PARD3B: variants seen among roughly 807,000 people sequenced by gnomAD.
PARD3B encodes par-3 family cell polarity regulator beta.
PARD3B carries 103 observed loss-of-function variants against 130.2 expected under a neutral mutation model. The observed-to-expected ratio is 0.79, with a 90% CI of 0.67 to 0.93. The LOEUF (loss-of-function observed/expected upper bound fraction) is 0.93. PARD3B is among the 40% of genes least tolerant of loss of function. PARD3B has a pLI of 0.00. For missense variants in PARD3B, 1,609 were observed against 1,499.2 expected (o/e 1.07, Z -1.21); for synonymous variants, 583 against 553.2 (o/e 1.05, Z -0.76).
At position 205,458,834 on chromosome 2, in the gene PARD3B, GAGA is replaced by G. The variant is rs2048356563; in HGVS notation, c.3044+18166_3044+18168del. On this transcript the variant is annotated intron_variant, in intron 20 of 22. Transcript: ENST00000406610. The surrounding 1 kb of genome is among the most constrained non-coding windows in gnomAD (Gnocchi z 4.8). ...CTCAGGCTGATGATACCTTTCTTCA[GAGA>G]AGATGTATTTAATAATATGTCCCAT... Among the ~76,000 whole-genome samples the G allele has an allele frequency of 1.3e-5, 2 of 152,134 alleles. No homozygotes were observed. The highest frequency in any genetic ancestry group is 2.9e-5 in the Non-Finnish European group (2 of 68,022).
At chr2:205,474,429 A>G (rs756484012) in intron 20 of PARD3B, among the ~76,000 whole-genome samples, 1 of 152,306 alleles carries the variant, frequency 6.6e-6, no homozygotes, top group South Asian at 2.1e-4. Flanking sequence ...ATTTACATGC[A>G]TATACACATT....
intron 1 of PARD3B, among the ~76,000 whole-genome samples, chr2:204,603,552 CT>C (rs948979928): frequency 9.4e-5 from 14 of 149,166 alleles, no homozygotes; most frequent in East Asian, 2.0e-4. Context: ...TTTAATACTA[CT>C]TTTTTTTTTA....
At chr2:205,613,862 C>T (rs1274472926) in intron 22 of PARD3B, among the ~76,000 whole-genome samples, 1 of 152,160 alleles carries the variant, frequency 6.6e-6, no homozygotes. Context: ...TTAACATCCA[C>T]CTCCACAGAT....
At chr2:204,549,289 T>A (rs1054152954) in intron 1 of PARD3B, among the ~76,000 whole-genome samples, 2 of 152,198 alleles carry the variant, frequency 1.3e-5, no homozygotes, top group Non-Finnish European at 2.9e-5. Context: ...TATCTCCGAA[T>A]CCTGACACTT....
intron 13 of PARD3B, among the ~76,000 whole-genome samples, chr2:205,177,969 T>A (rs947841560): frequency 9.2e-5 from 14 of 151,818 alleles, no homozygotes; most frequent in African/African-American, 2.9e-4. Context: ...ATTGGTCTAT[T>A]GAAACTATTG....
chr2:204,762,768 T>C (rs2040964047), intron 2 of PARD3B, among the ~76,000 whole-genome samples: 1 of 150,212 alleles, frequency 6.7e-6, no homozygotes, highest in African/African-American at 2.4e-5. Context: ...TTTCTTTTTT[T>C]TTTTTTTTTG....
At position 205,492,611 on chromosome 2, in the gene PARD3B, C is replaced by T. The variant is rs150578668; in HGVS notation, c.3045-7285C>T. Among the ~76,000 whole-genome samples, 528 of 151,992 alleles carry T rather than the reference C, an allele frequency of 3.5e-3. 4 individuals carry two copies. Among genetic ancestry groups the T allele is most frequent in the South Asian group, 0.027 (132 of 4,808 alleles). ...TCAGCTATCAGTCCTAAAATTTCAC[C>T]GGGCTAAACAGTGAAAAATCTTATT... On this transcript the variant is annotated intron_variant, in intron 20 of 22. Coordinates refer to ENST00000406610, the MANE Select transcript of PARD3B (RefSeq NM_001302769.2).
At chr2:205,130,240 AT>A (rs2031874218) in intron 10 of PARD3B, among the ~76,000 whole-genome samples, 1 of 152,166 alleles carries the variant, frequency 6.6e-6, no homozygotes, top group African/African-American at 2.4e-5. Context: ...TTGGTAATAG[AT>A]TTAGAATCTG....
chr2:204,840,929 G>A (rs979292817), intron 2 of PARD3B, among the ~76,000 whole-genome samples: 15 of 152,130 alleles, frequency 9.9e-5, no homozygotes, highest in Non-Finnish European at 1.5e-5. Flanking sequence ...TGTATATAGG[G>A]TTTGGTGCTA....
intron 1 of PARD3B, among the ~76,000 whole-genome samples, chr2:204,551,027 T>G (rs1183276360): frequency 1.3e-5 from 2 of 152,186 alleles, no homozygotes; most frequent in African/African-American, 2.4e-5. Flanking sequence ...AGACCTCACT[T>G]CTTTACAGCA....
chr2:204,700,631 C>T (rs143503598), intron 2 of PARD3B, among the ~76,000 whole-genome samples: 2 of 152,030 alleles, frequency 1.3e-5, no homozygotes, highest in African/African-American at 2.4e-5. Context: ...AACCTGAAAT[C>T]TGCTTTGTAC....
chr2:205,531,261 A>G (rs921474984), intron 21 of PARD3B, among the ~76,000 whole-genome samples: 5 of 152,146 alleles, frequency 3.3e-5, no homozygotes, highest in Admixed American at 6.5e-5. Context: ...TAGAGGAACA[A>G]AAACACATCA....
At chr2:204,681,944 A>G (rs563222415) in intron 1 of PARD3B, among the ~76,000 whole-genome samples, 1 of 152,218 alleles carries the variant, frequency 6.6e-6, no homozygotes, top group South Asian at 2.1e-4. Flanking sequence ...TGTTTCCAAA[A>G]CCCTTAAGTC....
rs2035922350 is a variant in PARD3B, at chr2:205,183,688, C to A, written c.1925-2076C>A. On this transcript the variant is annotated intron_variant, in intron 13 of 22. Coordinates refer to ENST00000406610, the MANE Select transcript of PARD3B (RefSeq NM_001302769.2). The surrounding 1 kb of genome is among the most constrained non-coding windows in gnomAD (Gnocchi z 5.2). Reference sequence around the variant, plus strand: ...GGGCAGAGCTTGGAGCAAGTCCTTGCCTTGTGTATTTCTCAGGGTTCTGCA... The same window carrying A: ...GGGCAGAGCTTGGAGCAAGTCCTTGACTTGTGTATTTCTCAGGGTTCTGCA... Among the ~76,000 whole-genome samples, 1 of 150,050 alleles carries A rather than the reference C, an allele frequency of 6.7e-6. No homozygotes were observed. Among genetic ancestry groups the A allele is most frequent in the South Asian group, 2.1e-4 (1 of 4,770 alleles).
At chr2:205,224,663 G>C (rs2038446732) in intron 15 of PARD3B, among the ~76,000 whole-genome samples, 1 of 150,758 alleles carries the variant, frequency 6.6e-6, no homozygotes, top group South Asian at 2.1e-4. Flanking sequence ...AAAAAAGTGA[G>C]AACATTCAAA....
rs1199381132 is a variant in PARD3B at position 205,229,944 on chromosome 2, G to A, written c.2141-15834G>A. Among the ~76,000 whole-genome samples the A allele has an allele frequency of 1.3e-5, 2 of 151,892 alleles. No homozygotes were observed. The highest frequency in any genetic ancestry group is 2.9e-5 in the Non-Finnish European group (2 of 67,990). On this transcript the variant is annotated intron_variant, in intron 15 of 22. Transcript: ENST00000406610. This position sits in a 1 kb window ranked among gnomAD's most constrained non-coding sequence, Gnocchi z 5.2. ...GCCACCACCACCACGTCCATGGCAAGTACTGCCTGTCTACCACTGATGCTC... is the reference window on the plus strand; with the variant it reads ...GCCACCACCACCACGTCCATGGCAAATACTGCCTGTCTACCACTGATGCTC...
intron 1 of PARD3B, among the ~76,000 whole-genome samples, chr2:204,676,560 C>A (rs1367128305): frequency 6.6e-6 from 1 of 151,808 alleles, no homozygotes; most frequent in East Asian, 1.9e-4. Context: ...AGTTCCACGT[C>A]TTATCCTGTA....
chr2:205,088,766 A>G (rs80204182), intron 4 of PARD3B, among the ~76,000 whole-genome samples: 1,708 of 151,446 alleles, frequency 0.011, 16 homozygotes, highest in Non-Finnish European at 0.019. Context: ...ATCATAATGC[A>G]AAGTATATAG....
At chr2:205,404,716 C>T (rs1324254087) in intron 19 of PARD3B, among the ~76,000 whole-genome samples, 1 of 151,974 alleles carries the variant, frequency 6.6e-6, no homozygotes, top group Admixed American at 6.6e-5. Flanking sequence ...TCTCGCGCTA[C>T]GTTGTACAGA....
Sources: gnomAD v4.1 joint callset for allele counts (sites outside exome capture counted in the v4.1 genomes callset) on GRCh38, gnomAD v4.1.1 for gene constraint, Gnocchi (gnomAD v3.1) non-coding constraint, MANE v1.5 for transcripts, NCBI Gene and HGNC (gene_info 2026-07-23, HGNC 2026-07-21) for gene names.